Variants in ANXA2 observed in about 807,000 individuals in gnomAD.
ANXA2 encodes the protein annexin II.
In ANXA2, 28 loss-of-function variants were observed where a neutral mutation model predicts 47.3. That is an observed-to-expected ratio of 0.59 (90% CI 0.44 to 0.81). The LOEUF (loss-of-function observed/expected upper bound fraction) is 0.81, where lower values mean the gene tolerates loss of function less well. Ranked by LOEUF, ANXA2 falls within the 40% of genes least tolerant of loss-of-function variation. The probability of loss-of-function intolerance (pLI) is 0.00; values close to 1 mark genes in which losing one functional copy is unlikely to be tolerated. For missense variants in ANXA2, 384 were observed against 414.3 expected (o/e 0.93, Z 0.64); for synonymous variants, 172 against 155.5 (o/e 1.11, Z -0.79).
chr15:60,356,084 T>G, intron 6 of ANXA2, 86 bp from the exon 7 acceptor site: 1 of 1,021,128 alleles, frequency 9.8e-7, no homozygotes, highest in Non-Finnish European at 1.5e-6. Flanking sequence ...ACTAAGACTC[T>G]GAGAAGCAGA....
intron 2 of ANXA2, 181 bp downstream of exon 2, chr15:60,385,847 T>G: frequency 1.9e-6 from 1 of 521,774 alleles, no homozygotes; most frequent in East Asian, 3.2e-5. Flanking sequence ...TCCAGTGCCA[T>G]GATATTTCCT....
At chr15:60,351,312 G>C in intron 10 of ANXA2, 61 bp from the exon 11 acceptor site, 1 of 1,552,790 alleles carries the variant, frequency 6.4e-7, no homozygotes, top group Non-Finnish European at 8.9e-7. Context: ...CTACCAATGA[G>C]AGAGGATGCC....
chr15:60,351,849 T>G (rs749207144), intron 9 of ANXA2, 30 bp from the exon 10 acceptor site: 9 of 1,454,132 alleles, frequency 6.2e-6, no homozygotes, highest in Non-Finnish European at 6.7e-6. Context: ...AGTTATCAGA[T>G]CCGAGCCACT....
chr15:60,364,552 C>G, intron 3 of ANXA2, 29 bp from the exon 4 acceptor site: 1 of 1,568,704 alleles, frequency 6.4e-7, no homozygotes, highest in Non-Finnish European at 8.7e-7. Context: ...TTAATCGTTA[C>G]TCAGTATACT....
chr15:60,369,754 T>C (rs937446569), intron 3 of ANXA2, among the ~76,000 whole-genome samples: 2 of 152,216 alleles, frequency 1.3e-5, no homozygotes, highest in African/African-American at 4.8e-5. Flanking sequence ...CAGAAATGGA[T>C]AACCATGGTG....
chr15:60,354,735 T>TC (rs1349863592), intron 7 of ANXA2, among the ~76,000 whole-genome samples: 1 of 150,106 alleles, frequency 6.7e-6, no homozygotes, highest in East Asian at 2.0e-4. Context: ...CCATCAACAA[T>TC]CCCCCCCTTG....
At chr15:60,380,804 CAAAA>C (rs61570476) in intron 3 of ANXA2, among the ~76,000 whole-genome samples, 6 of 61,194 alleles carry the variant, frequency 9.8e-5, no homozygotes, top group African/African-American at 1.3e-4. Flanking sequence ...AACTCCATCT[CAAAA>C]AAAAAAAAAA....
At chr15:60,348,942 G>T in intron 12 of ANXA2, 133 bp downstream of exon 12, 1 of 976,502 alleles carries the variant, frequency 1.0e-6, no homozygotes, top group Non-Finnish European at 1.5e-6. Context: ...CCTGATAGTT[G>T]ATGACTAGCA....
intron 3 of ANXA2, among the ~76,000 whole-genome samples, chr15:60,368,751 C>CTTTTTTTTT (rs2062673491): frequency 6.6e-6 from 1 of 152,076 alleles, no homozygotes; most frequent in South Asian, 2.1e-4. Context: ...CCATAATGAC[C>CTTTTTTTTT]ATAAATGGGT....
chr15:60,391,873 C>T (rs543435568), intron 1 of ANXA2, among the ~76,000 whole-genome samples: 1 of 146,382 alleles, frequency 6.8e-6, no homozygotes, highest in African/African-American at 2.5e-5. Context: ...CCCAGCTTGC[C>T]GACTGGTTTC....
At chr15:60,363,704 G>C (rs923502364) in intron 4 of ANXA2, among the ~76,000 whole-genome samples, 5 of 152,188 alleles carry the variant, frequency 3.3e-5, no homozygotes, top group Admixed American at 1.3e-4. Context: ...AATAGTAGGA[G>C]CATGGCATGT....
intron 3 of ANXA2, among the ~76,000 whole-genome samples, chr15:60,372,311 G>C (rs553577951): frequency 6.6e-6 from 1 of 152,240 alleles, no homozygotes; most frequent in South Asian, 2.1e-4. Flanking sequence ...AATGCTCATA[G>C]AAGGCAGAGA....
At chr15:60,378,010 C>A (rs1368670321) in intron 3 of ANXA2, among the ~76,000 whole-genome samples, 3 of 152,074 alleles carry the variant, frequency 2.0e-5, no homozygotes, top group Non-Finnish European at 4.4e-5. Flanking sequence ...ATTGCTTGAA[C>A]CCAGGAGGGT....
At chr15:60,356,143 G>A (rs1368883938) in intron 6 of ANXA2, 145 bp from the exon 7 acceptor site, 3 of 633,196 alleles carry the variant, frequency 4.7e-6, no homozygotes, top group African/African-American at 1.8e-5. Flanking sequence ...CCAAACAGAG[G>A]AAGGATTCAC....
At chr15:60,356,732 C>T (rs116841473) in intron 6 of ANXA2, among the ~76,000 whole-genome samples, 3,085 of 152,274 alleles carry the variant, frequency 0.02, 46 homozygotes, top group Non-Finnish European at 0.03. Context: ...GCTAAGTGTG[C>T]ACCAGTCCAC....
At chr15:60,361,299 A>G (rs1205989549) in intron 4 of ANXA2, 6 of 457,354 alleles carry the variant, frequency 1.3e-5, no homozygotes, top group Admixed American at 7.0e-5. Context: ...TCCCCGGTCA[A>G]TAAAAGGAAA....
At chr15:60,391,131 CCT>C (rs1170175492) in intron 1 of ANXA2, 2 of 152,278 alleles carry the variant, frequency 1.3e-5, no homozygotes, top group African/African-American at 4.8e-5. Context: ...TCCCTTCGTG[CCT>C]CTGTGACACA....
intron 10 of ANXA2, chr15:60,351,455 G>C (rs1896009884): frequency 1.6e-6 from 1 of 631,746 alleles, no homozygotes; most frequent in Non-Finnish European, 2.8e-6. Context: ...GGGTCTCTGA[G>C]GCCTGCAGAA....
In ANXA2 at chr15:60,352,271, G is replaced by T; in HGVS notation, c.682+112C>A. ...GGAAAATGGGTGAGCCTATGAGAGT[G>T]CCAAGCGGAGACAGAACCTCATTCT... On this transcript the variant is annotated intron_variant, in intron 9 of 12. Coordinates refer to ENST00000451270, the MANE Select transcript of ANXA2 (RefSeq NM_004039.3). This position sits in a 1 kb window ranked among gnomAD's most constrained non-coding sequence, Gnocchi z 4.2. The T allele has an allele frequency of 1.5e-6, 1 of 672,982 alleles. No individual in the cohort carries two copies. Among genetic ancestry groups the T allele is most frequent in the Non-Finnish European group, 2.6e-6 (1 of 386,976 alleles). The allele number at this position is 672,982 out of a possible 1,614,324, so 41.7% of individuals were successfully genotyped here.
Sources: gnomAD v4.1 joint callset for allele counts (sites outside exome capture counted in the v4.1 genomes callset) on GRCh38, gnomAD v4.1.1 for gene constraint, Gnocchi (gnomAD v3.1) non-coding constraint, MANE v1.5 for transcripts, NCBI Gene and HGNC (gene_info 2026-07-23, HGNC 2026-07-21) for gene names.